Variants in FREM2 observed in about 807,000 individuals in gnomAD.
The protein encoded by FREM2 is FRAS1-related extracellular matrix protein 2.
In FREM2, 119 loss-of-function variants were observed where a neutral mutation model predicts 219.9. The ratio of observed to expected loss-of-function variants is 0.54; its 90% CI spans 0.47 to 0.63. The LOEUF (loss-of-function observed/expected upper bound fraction) is 0.63. Among genes scored for constraint, FREM2 ranks in the 30% least tolerant of loss-of-function variants. The pLI, the probability that FREM2 is intolerant of heterozygous loss-of-function variation, is 0.00. For synonymous variants in FREM2, 1,562 were observed against 1,522.8 expected (o/e 1.03, Z -0.60); for missense variants, 4,030 against 3,993.6 (o/e 1.01, Z -0.25).
In FREM2 at chr13:38,769,588, A is replaced by G; in HGVS notation, c.5421A>G (p.Thr1807=). 6.2e-7 allele frequency: 1 copy of G among 1,613,698 alleles called. No homozygotes were observed. The change falls in exon 4 of 24, where the codon ACA becomes ACG. Residue 1807 remains threonine (T), a synonymous_variant. Transcript: ENST00000280481. ...TATGTTTTTGTGAAGGTATTGGCAC[A>G]AGAGACAGAACTGCAGAAAAAGACA... ...LGETSFISIG[T]RDRTAEKDKD...
At chr13:38,728,285 A>C (rs564565125) in intron 2 of FREM2, among the ~76,000 whole-genome samples, 2 of 152,052 alleles carry the variant, frequency 1.3e-5, no homozygotes, top group South Asian at 4.2e-4. Flanking sequence ...TTTTTTACTG[A>C]GCAGGATTAA....
chr13:38,702,133 A>G (rs1372869366), intron 2 of FREM2, among the ~76,000 whole-genome samples: 1 of 152,080 alleles, frequency 6.6e-6, no homozygotes, highest in African/African-American at 2.4e-5. Flanking sequence ...TTAAATCCCT[A>G]TGGCACCAGG....
chr13:38,714,163 C>T (rs1267759704), intron 2 of FREM2, among the ~76,000 whole-genome samples: 1 of 152,194 alleles, frequency 6.6e-6, no homozygotes, highest in African/African-American at 2.4e-5. Context: ...AAGCACCGTG[C>T]CATGCACATA....
At chr13:38,840,739 C>T (rs1876929428) in intron 6 of FREM2, among the ~76,000 whole-genome samples, 1 of 151,472 alleles carries the variant, frequency 6.6e-6, no homozygotes, top group African/African-American at 2.4e-5. Context: ...TATACACACA[C>T]ACACACATAC....
chr13:38,777,905 CT>C (rs1873939439), intron 4 of FREM2, among the ~76,000 whole-genome samples: 1 of 152,190 alleles, frequency 6.6e-6, no homozygotes, highest in Non-Finnish European at 1.5e-5. Flanking sequence ...GTCAGATTGA[CT>C]GTAGGAGTGA....
rs1874465256 is a variant in FREM2 at position 38,789,422 on chromosome 13, A to C, written c.6019+4614A>C. Among the ~76,000 whole-genome samples the C allele has an allele frequency of 3.3e-5, 5 of 151,690 alleles. No homozygotes were observed. In the South Asian group the frequency reaches 1.0e-3, roughly 32 times the overall value. ...GCATGTCTATTTATGTATCCATTTT[A>C]TTACTAATAATGTTCTTCTATCCTC... is the stretch of plus-strand genomic sequence containing the variant. On this transcript the variant is annotated intron_variant, in intron 6 of 23. Coordinates refer to ENST00000280481, the MANE Select transcript of FREM2 (RefSeq NM_207361.6).
intron 2 of FREM2, among the ~76,000 whole-genome samples, chr13:38,702,887 CA>C (rs1474160678): frequency 6.6e-6 from 1 of 152,106 alleles, no homozygotes; most frequent in Non-Finnish European, 1.5e-5. Flanking sequence ...CACAGCCAGA[CA>C]TTTTTTTGCT....
chr13:38,751,528 T>A (rs1872766887), intron 2 of FREM2, among the ~76,000 whole-genome samples: 1 of 152,150 alleles, frequency 6.6e-6, no homozygotes, highest in African/African-American at 2.4e-5. Context: ...GAGGGGCCCA[T>A]CCTCCATCCA....
chr13:38,851,984 T>A (rs1202248352), intron 11 of FREM2, 116 bp downstream of exon 11: 1 of 898,192 alleles, frequency 1.1e-6, no homozygotes, highest in Non-Finnish European at 1.8e-6. Context: ...AGGGCACTCT[T>A]TTTTAGGGGG....
At chr13:38,880,225 C>T (rs112882039) in intron 23 of FREM2, 59 bp from the exon 24 acceptor site, 41 of 1,514,250 alleles carry the variant, frequency 2.7e-5, no homozygotes, top group Non-Finnish European at 3.6e-5. Flanking sequence ...TGCAAAGAGT[C>T]GTGGATTAGA....
intron 2 of FREM2, among the ~76,000 whole-genome samples, chr13:38,740,871 A>G (rs1365436166): frequency 2.0e-5 from 3 of 152,120 alleles, no homozygotes; most frequent in African/African-American, 4.8e-5. Context: ...CTTGCTCACT[A>G]CTCTTGACTC....
chr13:38,717,244 A>G (rs543015979), intron 2 of FREM2, among the ~76,000 whole-genome samples: 2 of 152,162 alleles, frequency 1.3e-5, no homozygotes, highest in African/African-American at 2.4e-5. Flanking sequence ...ACTGGGATGA[A>G]TGAGTTCCTA....
At chr13:38,827,127 A>G (rs1876320187) in intron 6 of FREM2, among the ~76,000 whole-genome samples, 1 of 152,148 alleles carries the variant, frequency 6.6e-6, no homozygotes, top group South Asian at 2.1e-4. Context: ...ATTTTTTTAC[A>G]GTACAGATTT....
At chr13:38,725,459 A>G (rs1454261107) in intron 2 of FREM2, among the ~76,000 whole-genome samples, 1 of 152,254 alleles carries the variant, frequency 6.6e-6, no homozygotes, top group Non-Finnish European at 1.5e-5. Flanking sequence ...GGTCAAAGAA[A>G]GCGCCAGTTA....
At chr13:38,807,205 ATATATATATATATATATATATATG>A (rs1875273113) in intron 6 of FREM2, among the ~76,000 whole-genome samples, 3 of 106,272 alleles carry the variant, frequency 2.8e-5, no homozygotes, top group South Asian at 3.1e-4. Context: ...ATATATATAT[ATATATATATATATATATATATATG>A]TATGGTTTTG....
intron 9 of FREM2, 74 bp from the exon 10 acceptor site, chr13:38,850,870 C>T: frequency 4.5e-6 from 7 of 1,564,184 alleles, no homozygotes; most frequent in Non-Finnish European, 5.2e-6. Context: ...CAAACTTGCC[C>T]TTATGGTGCT....
chr13:38,690,675 A>G lies in FREM2; in HGVS notation c.3331A>G (p.Thr1111Ala), dbSNP rs772715459. ...CTTGTGCACTATAGTTATTCAGCCT[A>G]CTTCAGGTTATGTTGAAAACATTTC... ...DILCTIVIQP[T>A]SGYVENISPA... Residue 1111 changes from threonine (T) to alanine (A), a missense_variant, in exon 1 of 24, where the codon ACT becomes GCT. Thr to Ala is a moderately conservative substitution (Grantham distance 58). Coordinates refer to ENST00000280481, the MANE Select transcript of FREM2 (RefSeq NM_207361.6). The G allele has an allele frequency of 8.1e-6, 13 of 1,613,982 alleles. No individual in the cohort carries two copies. The highest frequency in any genetic ancestry group is 1.1e-5 in the Non-Finnish European group (13 of 1,180,036).
chr13:38,777,817 T>G (rs946767733), intron 4 of FREM2, among the ~76,000 whole-genome samples: 1 of 152,184 alleles, frequency 6.6e-6, no homozygotes, highest in Non-Finnish European at 1.5e-5. Flanking sequence ...CTTTTCCAGT[T>G]TTTCCCACAG....
intron 6 of FREM2, among the ~76,000 whole-genome samples, chr13:38,802,031 A>G (rs1875032623): frequency 6.6e-6 from 1 of 152,164 alleles, no homozygotes; most frequent in African/African-American, 2.4e-5. Flanking sequence ...TCAGCTTCCA[A>G]CAGTGGCAAA....
Sources: gnomAD v4.1 joint callset for allele counts (sites outside exome capture counted in the v4.1 genomes callset) on GRCh38, gnomAD v4.1.1 for gene constraint, MANE v1.5 for transcripts, NCBI Gene and HGNC (gene_info 2026-07-23, HGNC 2026-07-21) for gene names.